TMOD3: variants seen among roughly 807,000 people sequenced by gnomAD.
TMOD3 encodes the protein tropomodulin 3, also known as tropomodulin-3.
TMOD3 carries 20 observed loss-of-function variants against 39.2 expected under a neutral mutation model. That is an observed-to-expected ratio of 0.51 (90% CI 0.36 to 0.74). The LOEUF (loss-of-function observed/expected upper bound fraction) is 0.74. Ranked by LOEUF, TMOD3 falls within the 30% of genes least tolerant of loss-of-function variation. The pLI is 0.00. For synonymous variants in TMOD3, 143 were observed against 145.8 expected, an observed-to-expected ratio of 0.98 and a Z score of 0.14; for missense variants, 381 against 412.8, an observed-to-expected ratio of 0.92 and a Z score of 0.67.
chr15:51,878,782 A>G (rs777728032), intron 3 of TMOD3, among the ~76,000 whole-genome samples: 5 of 152,218 alleles, frequency 3.3e-5, no homozygotes, highest in Non-Finnish European at 5.9e-5. Flanking sequence ...GTCAAACAAC[A>G]TATCACAAAG....
chr15:51,834,262 G>C (rs998995061), intron 1 of TMOD3, among the ~76,000 whole-genome samples: 1 of 151,988 alleles, frequency 6.6e-6, no homozygotes, highest in South Asian at 2.1e-4. Flanking sequence ...ATGATATTGT[G>C]ATGAGCAGAA....
chr15:51,875,129 C>T (rs555965648), intron 3 of TMOD3: 29 of 152,256 alleles, frequency 1.9e-4, no homozygotes, highest in African/African-American at 7.0e-4. Context: ...TCCTCTTTCT[C>T]ACCTTTCTGA....
intron 1 of TMOD3, among the ~76,000 whole-genome samples, chr15:51,835,471 G>A (rs1332757571): frequency 6.6e-6 from 1 of 152,204 alleles, no homozygotes; most frequent in South Asian, 2.1e-4. Flanking sequence ...ACCATAACTG[G>A]CTAATTTTTG....
chr15:51,833,342 G>A (rs1026354665), intron 1 of TMOD3: 5 of 152,180 alleles, frequency 3.3e-5, no homozygotes, highest in Admixed American at 3.3e-4. Flanking sequence ...AAACAAAATT[G>A]TTAGTCTGTA....
chr15:51,831,153 A>G (rs892563437), intron 1 of TMOD3, among the ~76,000 whole-genome samples: 8 of 152,234 alleles, frequency 5.3e-5, no homozygotes, highest in African/African-American at 1.9e-4. Context: ...TATGATAGAC[A>G]TGAGAAAGAG....
At chr15:51,830,160 C>G (rs1227264305) in intron 1 of TMOD3, among the ~76,000 whole-genome samples, 2 of 152,134 alleles carry the variant, frequency 1.3e-5, no homozygotes. Context: ...GCCGAGCTGG[C>G]TCCCTGCACC....
intron 9 of TMOD3, among the ~76,000 whole-genome samples, chr15:51,904,643 G>A (rs1360292395): frequency 6.6e-6 from 1 of 152,166 alleles, no homozygotes; most frequent in Non-Finnish European, 1.5e-5. Context: ...CGGCAGGGGC[G>A]CTGACCTTTG....
chr15:51,905,950 C>CAAAAAAA (rs869172248), intron 9 of TMOD3, among the ~76,000 whole-genome samples: 39 of 64,736 alleles, frequency 6.0e-4, no homozygotes, highest in African/African-American at 7.8e-4. Flanking sequence ...GACTCCGTCT[C>CAAAAAAA]AAAAAAAAAA....
intron 3 of TMOD3, among the ~76,000 whole-genome samples, chr15:51,873,844 A>T (rs1230731689): frequency 1.3e-5 from 2 of 151,912 alleles, no homozygotes; most frequent in Non-Finnish European, 2.9e-5. Flanking sequence ...CTGGTCTCGA[A>T]CTCCTGACCT....
At chr15:51,830,550 G>T (rs2056249675) in intron 1 of TMOD3, among the ~76,000 whole-genome samples, 1 of 152,128 alleles carries the variant, frequency 6.6e-6, no homozygotes, top group Admixed American at 6.5e-5. Context: ...GTTAAGAATC[G>T]CATTTCCAAC....
intron 4 of TMOD3, among the ~76,000 whole-genome samples, chr15:51,888,325 G>A (rs1484219020): frequency 2.6e-5 from 4 of 152,170 alleles, no homozygotes; most frequent in Admixed American, 2.0e-4. Flanking sequence ...TAATAAATTT[G>A]AATGTAGCAC....
chr15:51,908,695 G>A, intron 9 of TMOD3, 81 bp from the exon 10 acceptor site: 1 of 1,122,012 alleles, frequency 8.9e-7, no homozygotes, highest in Non-Finnish European at 1.3e-6. Context: ...GGATTATGCA[G>A]AAACTTGCTT....
intron 1 of TMOD3, among the ~76,000 whole-genome samples, chr15:51,846,389 A>G (rs549032777): frequency 1.2e-4 from 19 of 152,296 alleles, no homozygotes; most frequent in Admixed American, 3.9e-4. Context: ...GAAGGATTGA[A>G]ACTGAGGAAA....
At chr15:51,852,207 T>C (rs923686598) in intron 1 of TMOD3, among the ~76,000 whole-genome samples, 2 of 152,182 alleles carry the variant, frequency 1.3e-5, no homozygotes, top group Non-Finnish European at 2.9e-5. Flanking sequence ...AGTAAGTATA[T>C]TGAAAAACAA....
At chr15:51,883,590 T>C (rs919057) in intron 3 of TMOD3, among the ~76,000 whole-genome samples, 7,828 of 152,256 alleles carry the variant, frequency 0.051, 470 homozygotes, top group African/African-American at 0.13. Flanking sequence ...TTGTGGCAAG[T>C]AGCTTGTATA....
intron 9 of TMOD3, among the ~76,000 whole-genome samples, chr15:51,906,988 C>A (rs1407508029): frequency 6.7e-6 from 1 of 149,338 alleles, no homozygotes; most frequent in East Asian, 2.0e-4. Flanking sequence ...CCATTGCACT[C>A]CAGCCTGGGC....
At chr15:51,835,972 A>G (rs1057177806) in intron 1 of TMOD3, among the ~76,000 whole-genome samples, 4 of 152,208 alleles carry the variant, frequency 2.6e-5, no homozygotes, top group Admixed American at 6.5e-5. Flanking sequence ...AGAAAAGACA[A>G]CTGGGGACTT....
At chr15:51,863,194 C>T (rs1473732928) in intron 2 of TMOD3, among the ~76,000 whole-genome samples, 184 bp downstream of exon 2, 1 of 152,222 alleles carries the variant, frequency 6.6e-6, no homozygotes, top group African/African-American at 2.4e-5. Context: ...TGTTTAATGA[C>T]ATGACTGTCC....
chr15:51,851,512 TTTAG>T (rs2056361851), intron 1 of TMOD3, among the ~76,000 whole-genome samples: 1 of 152,186 alleles, frequency 6.6e-6, no homozygotes, highest in Admixed American at 6.5e-5. Flanking sequence ...GTTGATTTTG[TTTAG>T]TTAGTTGATT....
Sources: allele counts gnomAD v4.1 joint callset (sites outside exome capture counted in the v4.1 genomes callset), GRCh38; gene constraint gnomAD v4.1.1; transcripts MANE v1.5; gene names NCBI Gene and HGNC (gene_info 2026-07-23, HGNC 2026-07-21).